The following TNFRSF10B variants were observed in gnomAD, a reference collection of about 807,000 sequenced individuals.
TNFRSF10B encodes the protein TNF receptor superfamily member 10b.
TNFRSF10B carries 35 observed loss-of-function variants against 41.4 expected under a neutral mutation model. The ratio of observed to expected loss-of-function variants is 0.85; its 90% CI spans 0.65 to 1.12. TNFRSF10B has a LOEUF of 1.12. TNFRSF10B is among the 50% of genes most tolerant of loss of function. The pLI, the probability that TNFRSF10B is intolerant of heterozygous loss-of-function variation, is 0.00. For synonymous variants in TNFRSF10B, 230 were observed against 215.5 expected, an observed-to-expected ratio of 1.07 and a Z score of -0.59; for missense variants, 584 against 552.7, an observed-to-expected ratio of 1.06 and a Z score of -0.57.
intron 1 of TNFRSF10B, among the ~76,000 whole-genome samples, chr8:23,047,150 G>T (rs1812387851): frequency 1.3e-5 from 2 of 152,042 alleles, no homozygotes; most frequent in Non-Finnish European, 2.9e-5. Context: ...CTGAGGTCGG[G>T]AGTTCAAGAC....
intron 2 of TNFRSF10B, among the ~76,000 whole-genome samples, chr8:23,031,356 G>A (rs1054959901): frequency 3.6e-4 from 55 of 150,990 alleles, no homozygotes; most frequent in African/African-American, 1.1e-3. Flanking sequence ...GATTACAGGC[G>A]TGAGCCACTG....
In TNFRSF10B at chr8:23,028,554, G is replaced by A; in HGVS notation, c.525C>T (p.Asp175=). The A allele has an allele frequency of 1.2e-6, 2 of 1,614,110 alleles. No individual in the cohort carries two copies. Among genetic ancestry groups the A allele is most frequent in the Non-Finnish European group, 1.7e-6 (2 of 1,179,994 alleles). The change falls in exon 5 of 9, where the codon GAC becomes GAT. Residue 175 remains aspartate, a synonymous_variant. Coordinates refer to ENST00000276431, the MANE Select transcript of TNFRSF10B (RefSeq NM_003842.5). ...VKVGDCTPWS[D]IECVHKESGT... ...CTGATTCTTTGTGGACACATTCGAT[G>A]TCACTCCAGGGTGTACAATCACCGA...
At chr8:23,052,880 C>T (rs997904125) in intron 1 of TNFRSF10B, among the ~76,000 whole-genome samples, 6 of 152,130 alleles carry the variant, frequency 3.9e-5, no homozygotes, top group African/African-American at 1.4e-4. Context: ...TGAAATTAGC[C>T]ATGTCCCCTA....
At chr8:23,048,150 G>A (rs1414875128) in intron 1 of TNFRSF10B, among the ~76,000 whole-genome samples, 4 of 152,154 alleles carry the variant, frequency 2.6e-5, no homozygotes, top group East Asian at 1.9e-4. Context: ...TGAAAACAAC[G>A]AGGCTGGGCA....
At chr8:23,068,607 C>T (rs1439982918) in intron 1 of TNFRSF10B, 144 bp downstream of exon 1, 3 of 1,325,358 alleles carry the variant, frequency 2.3e-6, no homozygotes, top group African/African-American at 2.9e-5. Flanking sequence ...CTTCCCCCGA[C>T]TCCGACGACT....
chr8:23,037,492 T>C (rs984488241), intron 2 of TNFRSF10B, among the ~76,000 whole-genome samples: 103 of 152,382 alleles, frequency 6.8e-4, no homozygotes, highest in African/African-American at 2.3e-3. Flanking sequence ...TTGCCTTCCC[T>C]GCATGCAATG....
intron 2 of TNFRSF10B, chr8:23,042,857 A>C (rs1365260655): frequency 8.5e-6 from 3 of 352,858 alleles, no homozygotes; most frequent in Non-Finnish European, 1.6e-5. Flanking sequence ...CCTCCTCCGG[A>C]TGTCAGCCCA....
In TNFRSF10B at chr8:23,068,914, A is replaced by G. The variant is rs201588192; in HGVS notation, c.-20T>C. ...TTCCATGGCGGTAGGGAACGCTCTT[A>G]TAGTCTCTCAGGCCCGTGGGTTTCA... On this transcript the variant is annotated 5_prime_UTR_variant, in exon 1 of 9. Coordinates refer to ENST00000276431, the MANE Select transcript of TNFRSF10B (RefSeq NM_003842.5). 8.1e-6 allele frequency: 13 copies of G among 1,613,168 alleles called. No homozygotes were observed. Among genetic ancestry groups the G allele is most frequent in the Non-Finnish European group, 1.1e-5 (13 of 1,179,910 alleles).
intron 5 of TNFRSF10B, 139 bp downstream of exon 5, chr8:23,028,192 G>A: frequency 8.5e-7 from 1 of 1,173,396 alleles, no homozygotes; most frequent in Non-Finnish European, 1.2e-6. Context: ...GGGGATGGGG[G>A]TGACCACGAG....
At chr8:23,040,292 AAT>A (rs1404704031) in intron 2 of TNFRSF10B, among the ~76,000 whole-genome samples, 2 of 64,802 alleles carry the variant, frequency 3.1e-5, no homozygotes, top group African/African-American at 4.1e-5. Flanking sequence ...ATATTTATTA[AAT>A]ATATATAATA....
chr8:23,057,502 G>A (rs11135692), intron 1 of TNFRSF10B, among the ~76,000 whole-genome samples: 35,698 of 147,056 alleles, frequency 0.24, 4,592 homozygotes, highest in Non-Finnish European at 0.27. Context: ...GCATGATCTC[G>A]GCTCACTGCA....
At chr8:23,039,744 A>C (rs1421671063) in intron 2 of TNFRSF10B, among the ~76,000 whole-genome samples, 3 of 152,202 alleles carry the variant, frequency 2.0e-5, no homozygotes, top group Non-Finnish European at 4.4e-5. Flanking sequence ...CACAACGTGC[A>C]AGGATGTGAT....
intron 7 of TNFRSF10B, among the ~76,000 whole-genome samples, chr8:23,025,054 A>G (rs925623829): frequency 6.6e-6 from 1 of 152,208 alleles, no homozygotes; most frequent in Non-Finnish European, 1.5e-5. Context: ...AGAAGCCGGT[A>G]AGTCCGAGCT....
chr8:23,024,326 A>C (rs1285588566), intron 7 of TNFRSF10B, 66 bp from the exon 8 acceptor site: 5 of 1,581,604 alleles, frequency 3.2e-6, no homozygotes. Context: ...ACTGACCCCG[A>C]CCACCAGCCA....
intron 8 of TNFRSF10B, 132 bp from the exon 9 acceptor site, chr8:23,023,116 GC>G (rs1325880089): frequency 3.5e-6 from 4 of 1,156,996 alleles, no homozygotes; most frequent in Non-Finnish European, 5.0e-6. Context: ...CCGCTCCAGT[GC>G]CCACCCGCTT....
Position 23,031,147 on chromosome 8 carries a change from C to T in TNFRSF10B, c.251-275G>A, listed in dbSNP as rs1811870939. 2.0e-5 allele frequency among the ~76,000 whole-genome samples: 3 copies of T among 152,320 alleles called. No homozygotes were observed. The South Asian group carries it at 6.2e-4, about 32-fold the overall frequency. ...CTGGAGTGCAGTGGCGTGATCTCGGCTCACTGCAACCTCCGCCTCCTGGGT... is the reference window on the plus strand; with the variant it reads ...CTGGAGTGCAGTGGCGTGATCTCGGTTCACTGCAACCTCCGCCTCCTGGGT... On this transcript the variant is annotated intron_variant, in intron 2 of 8. Transcript: ENST00000276431.
intron 1 of TNFRSF10B, among the ~76,000 whole-genome samples, chr8:23,051,852 T>G (rs1267341494): frequency 1.3e-5 from 2 of 152,210 alleles, no homozygotes; most frequent in African/African-American, 4.8e-5. Flanking sequence ...CAAAATACCC[T>G]AACTTCTAAT....
Position 23,069,025 on chromosome 8 carries a change from C to A in TNFRSF10B, c.-131G>T. The A allele has an allele frequency of 2.1e-6, 3 of 1,456,566 alleles. No individual in the cohort carries two copies. In the South Asian group the frequency reaches 3.5e-5, roughly 17 times the overall value. 90.2% of individuals were successfully genotyped at this position (1,456,566 alleles called of 1,614,324 possible). A position where few individuals can be genotyped will look rare whatever the true frequency, so the allele number is the denominator to read the frequency against. On this transcript the variant is annotated 5_prime_UTR_variant, in exon 1 of 9. Transcript: ENST00000276431. ...TCCGGCCGCGTGCTGATTTATGTGT[C>A]CAGGCTGACTTGGGGCGGCGCGGCT...
intron 1 of TNFRSF10B, among the ~76,000 whole-genome samples, chr8:23,065,930 C>T (rs1199774318): frequency 1.3e-5 from 2 of 152,222 alleles, no homozygotes; most frequent in East Asian, 3.9e-4. Flanking sequence ...AACAGGTCAT[C>T]TAAAGCTTAC....
Sources: allele counts gnomAD v4.1 joint callset (sites outside exome capture counted in the v4.1 genomes callset), GRCh38; gene constraint gnomAD v4.1.1; transcripts MANE v1.5; gene names NCBI Gene and HGNC (gene_info 2026-07-23, HGNC 2026-07-21).